The following LAMA2 variants were observed in gnomAD, a reference collection of about 807,000 sequenced individuals.
LAMA2 encodes laminin subunit alpha-2.
LAMA2 carries 269 observed loss-of-function variants against 364.8 expected under a neutral mutation model. The observed-to-expected ratio is 0.74, with a 90% CI of 0.67 to 0.82. The LOEUF is 0.82. Ranked by LOEUF, LAMA2 falls within the 40% of genes least tolerant of loss-of-function variation. The pLI is 0.00. For synonymous variants in LAMA2, 1,379 were observed against 1,370.6 expected, an observed-to-expected ratio of 1.01 and a Z score of -0.14; for missense variants, 3,807 against 3,873.2, an observed-to-expected ratio of 0.98 and a Z score of 0.45.
chr6:129,111,901 TTGG>T (rs1391758107), intron 4 of LAMA2, among the ~76,000 whole-genome samples: 1 of 151,982 alleles, frequency 6.6e-6, no homozygotes, highest in Admixed American at 6.6e-5. Flanking sequence ...TACATGAAAG[TTGG>T]TGGTATACAG....
chr6:129,308,745 G>A (rs897786494), intron 22 of LAMA2, among the ~76,000 whole-genome samples: 9 of 152,310 alleles, frequency 5.9e-5, no homozygotes, highest in East Asian at 3.9e-4. Flanking sequence ...TCACAGTTCT[G>A]GAGGGTGTAC....
chr6:129,144,138 C>T (rs1778291609), intron 5 of LAMA2, 58 bp downstream of exon 5: 1 of 1,344,236 alleles, frequency 7.4e-7, no homozygotes, highest in Non-Finnish European at 1.1e-6. Flanking sequence ...ATCTTTTTGT[C>T]TGTTAAATAC....
intron 1 of LAMA2, among the ~76,000 whole-genome samples, chr6:128,949,028 C>G (rs555477903): frequency 6.6e-6 from 1 of 152,080 alleles, no homozygotes; most frequent in African/African-American, 2.4e-5. Context: ...TAGTGCACAT[C>G]CCCCCGATGT....
At chr6:129,007,860 T>G (rs2114688693) in intron 1 of LAMA2, among the ~76,000 whole-genome samples, 1 of 152,292 alleles carries the variant, frequency 6.6e-6, no homozygotes, top group African/African-American at 2.4e-5. Flanking sequence ...TTAGTTTGTC[T>G]TTGGGGTGTA....
chr6:129,280,183 C>A, intron 18 of LAMA2, 36 bp downstream of exon 18: 2 of 1,357,436 alleles, frequency 1.5e-6, no homozygotes, highest in Non-Finnish European at 2.1e-6. Flanking sequence ...AAAATGATTT[C>A]TACCTTGGGA....
At chr6:128,934,648 C>T (rs2114524728) in intron 1 of LAMA2, among the ~76,000 whole-genome samples, 1 of 152,108 alleles carries the variant, frequency 6.6e-6, no homozygotes, top group East Asian at 1.9e-4. Flanking sequence ...ATTACAGGTG[C>T]ACACCACCAT....
At chr6:129,056,412 T>G (rs1788494573) in intron 2 of LAMA2, among the ~76,000 whole-genome samples, 1 of 152,178 alleles carries the variant, frequency 6.6e-6, no homozygotes, top group Admixed American at 6.6e-5. Context: ...AAATTTTACT[T>G]TTCATTAATG....
At position 129,297,096 on chromosome 6, in the gene LAMA2, A is replaced by C. The variant is rs543051752; in HGVS notation, c.2857-589A>C. Among the ~76,000 whole-genome samples the C allele has an allele frequency of 1.2e-4, 18 of 152,322 alleles. No individual in the cohort carries two copies. The East Asian group carries it at 3.3e-3, about 28-fold the overall frequency. On this transcript the variant is annotated intron_variant, in intron 20 of 64. Coordinates refer to ENST00000421865, the MANE Select transcript of LAMA2 (RefSeq NM_000426.4). ...TGTTAGAATGAAACCTAAGAAATCAAATGTTTGTTGAACCAATTATTTGAT... is the reference window on the plus strand; with the variant it reads ...TGTTAGAATGAAACCTAAGAAATCACATGTTTGTTGAACCAATTATTTGAT...
intron 37 of LAMA2, among the ~76,000 whole-genome samples, chr6:129,398,601 A>G (rs1779793510): frequency 6.6e-6 from 1 of 150,588 alleles, no homozygotes; most frequent in Non-Finnish European, 1.5e-5. Context: ...CAGCCTCCCA[A>G]GTAGCTGAGA....
At chr6:129,442,298 C>A in intron 43 of LAMA2, 1 of 1,028,086 alleles carries the variant, frequency 9.7e-7, no homozygotes, top group Non-Finnish European at 1.3e-6. Flanking sequence ...AGAGTACAAA[C>A]ACATATAACA....
rs185677025 is a variant in LAMA2 at position 128,897,256 on chromosome 6, A to C, written c.112+13899A>C. Reference sequence around the variant, plus strand: ...CTTTTTTGTGAGATTTCCTATGAAAAGATTAACAATTTAAACAATATTTGC... The same window carrying C: ...CTTTTTTGTGAGATTTCCTATGAAACGATTAACAATTTAAACAATATTTGC... On this transcript the variant is annotated intron_variant, in intron 1 of 64. Coordinates refer to ENST00000421865, the MANE Select transcript of LAMA2 (RefSeq NM_000426.4). 6.1e-4 allele frequency among the ~76,000 whole-genome samples: 93 copies of C among 152,322 alleles called. 1 individual carries two copies. In the Middle Eastern group the frequency reaches 0.01, roughly 17 times the overall value.
At chr6:129,193,457 T>A (rs1781656415) in intron 12 of LAMA2, among the ~76,000 whole-genome samples, 1 of 152,238 alleles carries the variant, frequency 6.6e-6, no homozygotes, top group Non-Finnish European at 1.5e-5. Flanking sequence ...CATACACAGA[T>A]AAACAAATGT....
intron 1 of LAMA2, among the ~76,000 whole-genome samples, chr6:128,893,364 C>T (rs1477892840): frequency 1.3e-5 from 2 of 151,464 alleles, no homozygotes; most frequent in African/African-American, 2.4e-5. Context: ...TTTTTTTCCC[C>T]AGTGGCTCCT....
At chr6:129,392,668 A>G (rs1277128013) in intron 36 of LAMA2, among the ~76,000 whole-genome samples, 1 of 152,222 alleles carries the variant, frequency 6.6e-6, no homozygotes, top group Non-Finnish European at 1.5e-5. Flanking sequence ...AACAATATTC[A>G]TCATTACATT....
chr6:129,450,408 C>T, intron 45 of LAMA2, among the ~76,000 whole-genome samples: 1 of 152,038 alleles, frequency 6.6e-6, no homozygotes, highest in African/African-American at 2.4e-5. Context: ...CAACCTCTGC[C>T]TCTTGGGTTC....
intron 7 of LAMA2, among the ~76,000 whole-genome samples, chr6:129,151,710 G>A (rs1189922268): frequency 6.6e-6 from 1 of 152,098 alleles, no homozygotes; most frequent in African/African-American, 2.4e-5. Flanking sequence ...ATGGGGAAGA[G>A]CCCCTTATAA....
intron 20 of LAMA2, 125 bp from the exon 21 acceptor site, chr6:129,297,560 A>G (rs140264594): frequency 2.4e-6 from 2 of 838,692 alleles, no homozygotes; most frequent in Admixed American, 2.0e-5. Context: ...TTGTCATAAC[A>G]TCAGTGAGGA....
intron 9 of LAMA2, among the ~76,000 whole-genome samples, chr6:129,167,353 T>C (rs1448799109): frequency 7.7e-6 from 1 of 130,452 alleles, no homozygotes; most frequent in Non-Finnish European, 1.5e-5. Flanking sequence ...GATATTCCCC[T>C]TCCTGTGTCC....
intron 45 of LAMA2, among the ~76,000 whole-genome samples, chr6:129,451,529 CCT>C (rs1402149913): frequency 1.3e-5 from 2 of 152,164 alleles, no homozygotes; most frequent in Non-Finnish European, 2.9e-5. Flanking sequence ...GGAAACAGCC[CCT>C]GTTTCTCTCC....
Sources: allele counts gnomAD v4.1 joint callset (sites outside exome capture counted in the v4.1 genomes callset), GRCh38; gene constraint gnomAD v4.1.1; transcripts MANE v1.5; gene names NCBI Gene and HGNC (gene_info 2026-07-23, HGNC 2026-07-21).